Variants in RGMA observed in about 807,000 individuals in gnomAD.
RGMA encodes the protein repulsive guidance molecule BMP co-receptor a, also known as repulsive guidance molecule A.
RGMA carries 10 observed loss-of-function variants against 23.2 expected under a neutral mutation model. The observed-to-expected ratio is 0.43, with a 90% CI of 0.27 to 0.73. The LOEUF is 0.73. RGMA is among the 30% of genes least tolerant of loss of function. RGMA has a pLI of 0.20. For synonymous variants in RGMA, 308 were observed against 279.3 expected (o/e 1.10, Z -1.03); for missense variants, 547 against 630.5 (o/e 0.87, Z 1.42).
intron 2 of RGMA, among the ~76,000 whole-genome samples, chr15:93,065,313 G>A (rs1455475117): frequency 6.6e-6 from 1 of 151,772 alleles, no homozygotes; most frequent in African/African-American, 2.4e-5. Context: ...GTTGAGAGCT[G>A]GCTGGTTCCT....
chr15:93,036,610 G>C lies in RGMA; in HGVS notation c.*8388C>G, dbSNP rs2054663869. 6.6e-6 allele frequency: 1 copy of C among 152,468 alleles called. No individual in the cohort carries two copies. The highest frequency in any genetic ancestry group is 2.1e-4 in the South Asian group (1 of 4,844). 9.4% of individuals were successfully genotyped at this position (152,468 alleles called of 1,614,324 possible). A position where few individuals can be genotyped will look rare whatever the true frequency, so the allele number is the denominator to read the frequency against. On this transcript the variant is annotated 3_prime_UTR_variant, in exon 4 of 4. Coordinates refer to ENST00000329082, the MANE Select transcript of RGMA (RefSeq NM_020211.3). Reference sequence around the variant, plus strand: ...CCCTCCTCAGTCAGCCTCCCAGTGGGGGCCTGGCCCCACCCTCTGCTCACC... The same window carrying C: ...CCCTCCTCAGTCAGCCTCCCAGTGGCGGCCTGGCCCCACCCTCTGCTCACC...
At chr15:93,065,690 A>C in intron 2 of RGMA, 1 of 1,158,548 alleles carries the variant, frequency 8.6e-7, no homozygotes, top group Non-Finnish European at 1.3e-6. Context: ...TGCTGGAAGT[A>C]GGGGTGGTTT....
rs1358743242 is a variant in RGMA at position 93,041,199 on chromosome 15, C to T, written c.*3799G>A. On this transcript the variant is annotated 3_prime_UTR_variant, in exon 4 of 4. Transcript: ENST00000329082. ...TTCATTTGTTTTAAAGGCCATTTCT[C>T]TCCTGTCCTATAGCCTTGCACATTC... 6.6e-6 allele frequency: 1 copy of T among 150,724 alleles called. No homozygotes were observed. The highest frequency in any genetic ancestry group is 1.9e-4 in the East Asian group (1 of 5,166). The allele number at this position is 150,724 out of a possible 1,614,324, so 9.3% of individuals were successfully genotyped here.
intron 3 of RGMA, among the ~76,000 whole-genome samples, chr15:93,050,617 C>T (rs904111011): frequency 3.9e-5 from 6 of 152,228 alleles, no homozygotes; most frequent in African/African-American, 1.4e-4. Flanking sequence ...TCACCCCCAT[C>T]CATAATGGGG....
chr15:93,074,670 G>A (rs1895440058), intron 1 of RGMA, among the ~76,000 whole-genome samples: 1 of 152,140 alleles, frequency 6.6e-6, no homozygotes, highest in Admixed American at 6.5e-5. Flanking sequence ...AAAATGCTAC[G>A]GTTTTCCCAG....
chr15:93,079,298 G>A (rs1350783925), intron 1 of RGMA, among the ~76,000 whole-genome samples: 2 of 152,194 alleles, frequency 1.3e-5, no homozygotes, highest in South Asian at 4.1e-4. Context: ...TGACCTTTGG[G>A]ATGGAACTTT....
chr15:93,058,985 G>A (rs1194270646), intron 2 of RGMA, among the ~76,000 whole-genome samples: 1 of 149,404 alleles, frequency 6.7e-6, no homozygotes, highest in African/African-American at 2.5e-5. Context: ...GCCTGTGCAG[G>A]TGACACATTG....
intron 1 of RGMA, among the ~76,000 whole-genome samples, chr15:93,086,954 G>A (rs562960269): frequency 2.0e-5 from 3 of 152,256 alleles, no homozygotes; most frequent in South Asian, 2.1e-4. Flanking sequence ...CTAAGACCTC[G>A]TCTGTCACAA....
Position 93,045,734 on chromosome 15 carries a change from G to T in RGMA, c.646-29C>A, listed in dbSNP as rs2054815130. On this transcript the variant is annotated intron_variant, in intron 3 of 3. Coordinates refer to ENST00000329082, the MANE Select transcript of RGMA (RefSeq NM_020211.3). The surrounding 1 kb of genome is among the most constrained non-coding windows in gnomAD (Gnocchi z 6.9). ...CCGGGGAAAGGGGCAGAGGAGAGTG[G>T]GTGAGGCACAGTGGGAGGAGGCACA... is the stretch of plus-strand genomic sequence containing the variant. The T allele has an allele frequency of 1.3e-6, 2 of 1,537,724 alleles. No homozygotes were observed. The highest frequency in any genetic ancestry group is 3.3e-5 in the Admixed American group (2 of 59,816).
rs952155649 is a variant in RGMA at position 93,054,627 on chromosome 15, G to A, written c.131-2120C>T. Among the ~76,000 whole-genome samples, 2 of 152,170 alleles carry A rather than the reference G, an allele frequency of 1.3e-5. 1 individual carries two copies. Among genetic ancestry groups the A allele is most frequent in the Non-Finnish European group, 2.9e-5 (2 of 68,018 alleles). The stretch of plus-strand genomic sequence containing the variant: ...GGCCTCCCCGGCCATGTGGAACTAT[G>A]AGTCCATTAAACCTCTTTCCTTTAT... On this transcript the variant is annotated intron_variant, in intron 2 of 3. Transcript: ENST00000329082.
In RGMA at chr15:93,045,994, G is replaced by C. The variant is rs1432052392; in HGVS notation, c.646-289C>G. ...TTTTACTATATAGGGAAGTGAACCA[G>C]AAAAATAAAAGCATAGATAATTAAA... On this transcript the variant is annotated intron_variant, in intron 3 of 3. Transcript: ENST00000329082. The surrounding 1 kb of genome is among the most constrained non-coding windows in gnomAD (Gnocchi z 6.9). Among the ~76,000 whole-genome samples, 1 of 152,166 alleles carries C rather than the reference G, an allele frequency of 6.6e-6. No individual in the cohort carries two copies. Among genetic ancestry groups the C allele is most frequent in the Non-Finnish European group, 1.5e-5 (1 of 68,032 alleles).
intron 1 of RGMA, among the ~76,000 whole-genome samples, chr15:93,080,052 C>A (rs1189339157): frequency 6.6e-6 from 1 of 151,846 alleles, no homozygotes; most frequent in Non-Finnish European, 1.5e-5. Context: ...GTAATTAAGA[C>A]ATAATTACCA....
intron 2 of RGMA, chr15:93,066,062 C>T: frequency 6.6e-7 from 1 of 1,515,620 alleles, no homozygotes; most frequent in Non-Finnish European, 9.1e-7. Context: ...GGTGGTGGGG[C>T]AACTGAGGGA....
chr15:93,082,687 T>G (rs7162922), intron 1 of RGMA, among the ~76,000 whole-genome samples: 137,130 of 152,258 alleles, frequency 0.9, 62,588 homozygotes, highest in Non-Finnish European at 0.95. Context: ...ATATAAAAAC[T>G]TTTTAAGAAG....
intron 2 of RGMA, among the ~76,000 whole-genome samples, chr15:93,070,612 C>T (rs1329799907): frequency 6.6e-6 from 1 of 152,168 alleles, no homozygotes; most frequent in Non-Finnish European, 1.5e-5. Context: ...TCTTTTGACC[C>T]ACATTTCTAG....
chr15:93,051,829 G>A, intron 3 of RGMA, 164 bp downstream of exon 3: 1 of 719,460 alleles, frequency 1.4e-6, no homozygotes, highest in Non-Finnish European at 2.2e-6. Context: ...GGAGGAAGCT[G>A]AGACCCACCC....
chr15:93,057,988 C>T (rs1159721245), intron 2 of RGMA, among the ~76,000 whole-genome samples: 1 of 152,130 alleles, frequency 6.6e-6, no homozygotes, highest in African/African-American at 2.4e-5. Flanking sequence ...CTTCCTTCCC[C>T]AAGTTTTCAC....
At chr15:93,054,938 T>C (rs1027687744) in intron 2 of RGMA, among the ~76,000 whole-genome samples, 3 of 135,920 alleles carry the variant, frequency 2.2e-5, no homozygotes, top group Non-Finnish European at 5.3e-5. Context: ...TGCCGCCCCC[T>C]GATAAAGCCG....
chr15:93,077,915 C>T (rs1464000694), intron 1 of RGMA, among the ~76,000 whole-genome samples: 1 of 152,226 alleles, frequency 6.6e-6, no homozygotes, highest in Non-Finnish European at 1.5e-5. Flanking sequence ...ACCATGTTAG[C>T]CAGGCTGGTC....
Sources: gnomAD v4.1 joint callset for allele counts (sites outside exome capture counted in the v4.1 genomes callset) on GRCh38, gnomAD v4.1.1 for gene constraint, Gnocchi (gnomAD v3.1) non-coding constraint, MANE v1.5 for transcripts, NCBI Gene and HGNC (gene_info 2026-07-23, HGNC 2026-07-21) for gene names.